Variants in CTNNA1 observed in about 807,000 individuals in gnomAD.
CTNNA1 encodes catenin alpha 1.
CTNNA1 carries 37 observed loss-of-function variants against 98.4 expected under a neutral mutation model. That is an observed-to-expected ratio of 0.38 (90% CI 0.29 to 0.49). The LOEUF is 0.49. Ranked by LOEUF, CTNNA1 falls within the 20% of genes least tolerant of loss-of-function variation. The probability of loss-of-function intolerance (pLI) is 0.95; values close to 1 mark genes in which losing one functional copy is unlikely to be tolerated. For synonymous variants in CTNNA1, 404 were observed against 413.2 expected (o/e 0.98, Z 0.27); for missense variants, 761 against 1,147.2 (o/e 0.66, Z 4.86).
chr5:138,866,099 C>T (rs1205342723), intron 7 of CTNNA1, among the ~76,000 whole-genome samples: 1 of 151,980 alleles, frequency 6.6e-6, no homozygotes, highest in East Asian at 1.9e-4. Context: ...CACTTGAGCC[C>T]AGGAATTCAA....
At chr5:138,812,041 G>C in intron 4 of CTNNA1, 142 bp from the exon 5 acceptor site, 1 of 656,610 alleles carries the variant, frequency 1.5e-6, no homozygotes, top group Non-Finnish European at 2.7e-6. Context: ...TTAAATGTTA[G>C]AAGACCATGC....
chr5:138,902,419 G>GT lies in CTNNA1; in HGVS notation c.1297-1924dup, dbSNP rs759944446. Among the ~76,000 whole-genome samples the GT allele has an allele frequency of 2.0e-5, 3 of 152,192 alleles. No individual in the cohort carries two copies. The South Asian group carries it at 6.2e-4, about 32-fold the overall frequency. On this transcript the variant is annotated intron_variant, in intron 9 of 17. Coordinates refer to ENST00000302763, the MANE Select transcript of CTNNA1 (RefSeq NM_001903.5). ...GCTGGGCACCTCACCAGGGATCTTTGTTTTTTGTTTTTGTTTTTGAGACGG... is the reference window on the plus strand; with the variant it reads ...GCTGGGCACCTCACCAGGGATCTTTGTTTTTTTGTTTTTGTTTTTGAGACGG...
intron 5 of CTNNA1, among the ~76,000 whole-genome samples, chr5:138,817,967 A>G (rs1019298879): frequency 6.7e-6 from 1 of 149,768 alleles, no homozygotes; most frequent in African/African-American, 2.5e-5. Context: ...GCTCATTGCA[A>G]CCTCCACCTC....
intron 3 of CTNNA1, among the ~76,000 whole-genome samples, chr5:138,805,972 C>T (rs1758043791): frequency 6.6e-6 from 1 of 152,048 alleles, no homozygotes; most frequent in Non-Finnish European, 1.5e-5. Flanking sequence ...CATTGTGAAT[C>T]AGAGGTCATG....
At chr5:138,755,845 C>T (rs1248741697) in intron 1 of CTNNA1, among the ~76,000 whole-genome samples, 5 of 58,464 alleles carry the variant, frequency 8.6e-5, no homozygotes, top group Non-Finnish European at 1.3e-4. Context: ...GGATTTCCTT[C>T]TTTTTTTTTT....
chr5:138,755,184 A>G (rs1262960313), intron 1 of CTNNA1: 5 of 152,248 alleles, frequency 3.3e-5, no homozygotes, highest in Admixed American at 6.5e-5. Context: ...TAACAGTACT[A>G]ATGAAACTAT....
chr5:138,907,012 C>A (rs772661794), intron 10 of CTNNA1, among the ~76,000 whole-genome samples: 10 of 152,090 alleles, frequency 6.6e-5, no homozygotes, highest in African/African-American at 4.8e-5. Flanking sequence ...CTCCTTCTTT[C>A]TTGTTTCTTC....
chr5:138,766,391 G>A (rs1006827936), intron 1 of CTNNA1, among the ~76,000 whole-genome samples: 3 of 151,974 alleles, frequency 2.0e-5, no homozygotes, highest in Non-Finnish European at 2.9e-5. Flanking sequence ...TAGAGTAGGC[G>A]AGGCTTGTAG....
intron 16 of CTNNA1, chr5:138,931,803 GT>G (rs1765411247): frequency 1.0e-6 from 1 of 985,354 alleles, no homozygotes. Flanking sequence ...CTCATCTCCA[GT>G]ATGGTCTGCG....
intron 1 of CTNNA1, among the ~76,000 whole-genome samples, chr5:138,772,434 A>C (rs1753649272): frequency 6.6e-6 from 1 of 152,240 alleles, no homozygotes. Context: ...GGAAAAGTAG[A>C]AACTGTCAAG....
intron 7 of CTNNA1, among the ~76,000 whole-genome samples, chr5:138,883,363 A>G (rs1406162626): frequency 1.3e-5 from 2 of 152,200 alleles, no homozygotes; most frequent in African/African-American, 4.8e-5. Flanking sequence ...GGCTTAGTAA[A>G]TAACTGCTCC....
intron 1 of CTNNA1, among the ~76,000 whole-genome samples, chr5:138,764,320 C>T (rs183485511): frequency 0.011 from 1,670 of 151,596 alleles, 27 homozygotes; most frequent in African/African-American, 0.038. Context: ...GAGCTGAGAT[C>T]GTGCCATTGC....
intron 1 of CTNNA1, among the ~76,000 whole-genome samples, chr5:138,766,321 C>T (rs1270012914): frequency 2.0e-5 from 3 of 152,004 alleles, no homozygotes; most frequent in Non-Finnish European, 4.4e-5. Flanking sequence ...GATCTGGAGG[C>T]ATGCAGGTGC....
chr5:138,885,584 A>G (rs1303499396), intron 7 of CTNNA1, among the ~76,000 whole-genome samples: 4 of 152,156 alleles, frequency 2.6e-5, no homozygotes, highest in African/African-American at 9.7e-5. Context: ...GCTGTTTTAC[A>G]TACCACTTCA....
chr5:138,851,830 C>T (rs545272522), intron 7 of CTNNA1, among the ~76,000 whole-genome samples: 6 of 151,932 alleles, frequency 3.9e-5, no homozygotes, highest in African/African-American at 1.2e-4. Context: ...CCGAGGCAGG[C>T]GGATCACCTG....
chr5:138,888,725 T>C (rs1754674429), intron 9 of CTNNA1, among the ~76,000 whole-genome samples: 1 of 142,440 alleles, frequency 7.0e-6, no homozygotes, highest in East Asian at 2.0e-4. Context: ...TTTTTTTGTA[T>C]TTTTTTTTTT....
chr5:138,823,977 A>T (rs1298021498), intron 5 of CTNNA1, among the ~76,000 whole-genome samples: 1 of 146,592 alleles, frequency 6.8e-6, no homozygotes, highest in Non-Finnish European at 1.5e-5. Flanking sequence ...AAAAAAAAAA[A>T]AAAAAAAAAT....
chr5:138,770,802 A>G lies in CTNNA1; in HGVS notation c.-2-11121A>G, dbSNP rs548065885. Reference sequence around the variant, plus strand: ...CCCGTCTCTACTAAAAATACAAAAAATTAGCCGGGCTTGGTGGTGGGCGCC... The same window carrying G: ...CCCGTCTCTACTAAAAATACAAAAAGTTAGCCGGGCTTGGTGGTGGGCGCC... On this transcript the variant is annotated intron_variant, in intron 1 of 17. Transcript: ENST00000302763. Among the ~76,000 whole-genome samples, 23 of 152,234 alleles carry G rather than the reference A, an allele frequency of 1.5e-4. No homozygotes were observed. In the East Asian group the frequency reaches 4.4e-3, roughly 29 times the overall value.
In CTNNA1 at chr5:138,771,244, G is replaced by GAGT. The variant is rs200562269; in HGVS notation, c.-2-10678_-2-10676dup. On this transcript the variant is annotated intron_variant, in intron 1 of 17. Transcript: ENST00000302763. ...TTTTGTTTACTTTTTGTCCTTTGAT[G>GAGT]AGTGCCTTTTGTTGTAGTGTCTCCT... 1.0e-3 allele frequency among the ~76,000 whole-genome samples: 153 copies of GAGT among 151,238 alleles called. No individual in the cohort carries two copies. In the East Asian group the frequency reaches 0.024, roughly 24 times the overall value.
Sources: allele counts gnomAD v4.1 joint callset (sites outside exome capture counted in the v4.1 genomes callset), GRCh38; gene constraint gnomAD v4.1.1; transcripts MANE v1.5; gene names NCBI Gene and HGNC (gene_info 2026-07-23, HGNC 2026-07-21).